FOXN3: variants seen among roughly 807,000 people sequenced by gnomAD.
FOXN3 encodes forkhead box N3.
Under a neutral mutation model 38.4 loss-of-function variants are expected in FOXN3, and 7 were observed. The ratio of observed to expected loss-of-function variants is 0.18; its 90% confidence interval spans 0.10 to 0.34. The LOEUF is 0.34. FOXN3 is among the 10% of genes least tolerant of loss of function. The pLI is 1.00. For synonymous variants in FOXN3, 230 were observed against 242.2 expected, an observed-to-expected ratio of 0.95 and a Z score of 0.47; for missense variants, 456 against 613.4, an observed-to-expected ratio of 0.74 and a Z score of 2.71.
intron 2 of FOXN3, among the ~76,000 whole-genome samples, chr14:89,371,609 C>T (rs1322969052): frequency 6.6e-6 from 1 of 152,048 alleles, no homozygotes; most frequent in East Asian, 1.9e-4. Flanking sequence ...CCCCGCAGAG[C>T]ACCTCTTTAG....
chr14:89,544,566 C>G (rs1894850447), intron 1 of FOXN3, among the ~76,000 whole-genome samples: 1 of 152,104 alleles, frequency 6.6e-6, no homozygotes, highest in Non-Finnish European at 1.5e-5. Context: ...AAGGTAAGAC[C>G]TTGGGCCAGG....
intron 1 of FOXN3, among the ~76,000 whole-genome samples, chr14:89,615,415 G>A (rs1228682017): frequency 6.6e-6 from 1 of 152,140 alleles, no homozygotes; most frequent in Non-Finnish European, 1.5e-5. Flanking sequence ...AAAATAAGTT[G>A]CACATGGTTG....
intron 3 of FOXN3, among the ~76,000 whole-genome samples, chr14:89,344,836 G>A (rs139638118): frequency 1.9e-3 from 287 of 152,274 alleles, no homozygotes; most frequent in Non-Finnish European, 3.3e-3. Context: ...AATGTCTACT[G>A]GAAACATTAA....
intron 1 of FOXN3, among the ~76,000 whole-genome samples, chr14:89,480,927 C>T (rs1893312530): frequency 6.6e-6 from 1 of 151,980 alleles, no homozygotes; most frequent in South Asian, 2.1e-4. Flanking sequence ...TGCCATGTTT[C>T]GTTCATTTTT....
At chr14:89,565,883 A>G (rs1043331800) in intron 1 of FOXN3, among the ~76,000 whole-genome samples, 2 of 152,238 alleles carry the variant, frequency 1.3e-5, no homozygotes, top group African/African-American at 4.8e-5. Flanking sequence ...GAAAATTAAT[A>G]CAAGGGATGC....
chr14:89,465,094 TGAA>T (rs889576093), intron 1 of FOXN3, among the ~76,000 whole-genome samples: 2 of 152,208 alleles, frequency 1.3e-5, no homozygotes, highest in African/African-American at 4.8e-5. Flanking sequence ...AGCCGCCACG[TGAA>T]GAAGGATGTG....
At chr14:89,290,279 C>T (rs572754193) in intron 3 of FOXN3, 8 of 320,642 alleles carry the variant, frequency 2.5e-5, no homozygotes, top group East Asian at 8.8e-5. Flanking sequence ...ACCACCCTGA[C>T]GAATAAGTAT....
chr14:89,540,668 G>A (rs1458744039), intron 1 of FOXN3, among the ~76,000 whole-genome samples: 1 of 151,804 alleles, frequency 6.6e-6, no homozygotes, highest in East Asian at 1.9e-4. Flanking sequence ...GAACTGGGAG[G>A]CGGAGGCTGT....
chr14:89,504,233 C>T (rs1254107834), intron 1 of FOXN3, among the ~76,000 whole-genome samples: 1 of 152,202 alleles, frequency 6.6e-6, no homozygotes, highest in African/African-American at 2.4e-5. Flanking sequence ...CCCAGAAGAC[C>T]AAAATCCATA....
In FOXN3 at chr14:89,164,580, G is replaced by A. The variant is rs2139776282; in HGVS notation, c.852-1611C>T. Reference sequence around the variant, plus strand: ...TGAGACAGGGTGTGGTTACTGCTAGGCCCCCAGTGGCTATCGCCGTGTCAG... The same window carrying A: ...TGAGACAGGGTGTGGTTACTGCTAGACCCCCAGTGGCTATCGCCGTGTCAG... On this transcript the variant is annotated intron_variant, in intron 5 of 5. Transcript: ENST00000557258. This position sits in a 1 kb window ranked among gnomAD's most constrained non-coding sequence, Gnocchi z 4.3. Among the ~76,000 whole-genome samples, 1 of 152,254 alleles carries A rather than the reference G, an allele frequency of 6.6e-6. No homozygotes were observed. Among genetic ancestry groups the A allele is most frequent in the Middle Eastern group, 3.4e-3 (1 of 294 alleles).
chr14:89,167,863 G>A (rs904633777), intron 5 of FOXN3, among the ~76,000 whole-genome samples: 1 of 152,210 alleles, frequency 6.6e-6, no homozygotes, highest in Non-Finnish European at 1.5e-5. Context: ...AGTAGAACAA[G>A]AACCCAAACT....
rs559739720 is a variant in FOXN3, at chr14:89,163,819, T to C, written c.852-850A>G. Among the ~76,000 whole-genome samples, 7 of 152,182 alleles carry C rather than the reference T, an allele frequency of 4.6e-5. No homozygotes were observed. Among genetic ancestry groups the C allele is most frequent in the Non-Finnish European group, 1.0e-4 (7 of 68,028 alleles). The stretch of plus-strand genomic sequence containing the variant: ...ACTTAAAGTCACACAACTGATCACT[T>C]GCGGAGCAGGGACTGGAATCAAAGT... On this transcript the variant is annotated intron_variant, in intron 5 of 5. Coordinates refer to ENST00000557258, the MANE Select transcript of FOXN3 (RefSeq NM_005197.4). The surrounding 1 kb of genome is among the most constrained non-coding windows in gnomAD (Gnocchi z 4.3).
intron 4 of FOXN3, among the ~76,000 whole-genome samples, chr14:89,224,999 C>T (rs1163682637): frequency 6.6e-6 from 1 of 151,562 alleles, no homozygotes; most frequent in Non-Finnish European, 1.5e-5. Context: ...TGTGGTGGTG[C>T]GTGCCTATAA....
intron 1 of FOXN3, among the ~76,000 whole-genome samples, chr14:89,562,264 G>A (rs775750817): frequency 1.3e-5 from 2 of 151,946 alleles, no homozygotes; most frequent in Non-Finnish European, 2.9e-5. Context: ...TTTTGTTATT[G>A]TTGTTTGTTT....
intron 4 of FOXN3, chr14:89,185,581 A>G (rs6575042): frequency 0.69 from 105,610 of 152,250 alleles, 37,291 homozygotes; most frequent in Non-Finnish European, 0.76. Context: ...TAAGACATCA[A>G]AAGGGCTGGA....
intron 4 of FOXN3, among the ~76,000 whole-genome samples, chr14:89,218,119 C>T (rs1400718014): frequency 4.6e-5 from 7 of 152,188 alleles, no homozygotes; most frequent in African/African-American, 1.7e-4. Context: ...CAATTCACTG[C>T]TGGTTACAAA....
At chr14:89,185,176 A>G (rs539719299) in intron 4 of FOXN3, among the ~76,000 whole-genome samples, 1 of 152,126 alleles carries the variant, frequency 6.6e-6, no homozygotes, top group Non-Finnish European at 1.5e-5. Flanking sequence ...CGTCCTCATC[A>G]TTGGCAGTCT....
At chr14:89,182,059 T>C (rs944748040) in intron 4 of FOXN3, among the ~76,000 whole-genome samples, 1 of 152,204 alleles carries the variant, frequency 6.6e-6, no homozygotes, top group Non-Finnish European at 1.5e-5. Context: ...AAATAGTGCT[T>C]TTTCAAACAA....
At chr14:89,532,090 T>G (rs1243711707) in intron 1 of FOXN3, among the ~76,000 whole-genome samples, 1 of 152,122 alleles carries the variant, frequency 6.6e-6, no homozygotes, top group Non-Finnish European at 1.5e-5. Context: ...AATCAGAAAG[T>G]CCGGTGGTAG....
Sources: allele counts gnomAD v4.1 joint callset (sites outside exome capture counted in the v4.1 genomes callset), GRCh38; gene constraint gnomAD v4.1.1; non-coding constraint Gnocchi (gnomAD v3.1); transcripts MANE v1.5; gene names NCBI Gene and HGNC (gene_info 2026-07-23, HGNC 2026-07-21).